PKNOX2: variants seen among roughly 807,000 people sequenced by gnomAD.
PKNOX2 encodes homeobox protein PKNOX2.
In PKNOX2, 14 loss-of-function variants were observed where a neutral mutation model predicts 53.1. That is an observed-to-expected ratio of 0.26 (90% CI 0.17 to 0.41). The LOEUF (loss-of-function observed/expected upper bound fraction) is 0.41, where lower values mean the gene tolerates loss of function less well. Among genes scored for constraint, PKNOX2 ranks in the 10% least tolerant of loss-of-function variants. The pLI, the probability that PKNOX2 is intolerant of heterozygous loss-of-function variation, is 1.00. For missense variants in PKNOX2, 496 were observed against 602.8 expected, an observed-to-expected ratio of 0.82 and a Z score of 1.85; for synonymous variants, 257 against 242.8, an observed-to-expected ratio of 1.06 and a Z score of -0.54.
At chr11:125,186,079 T>C (rs1307522687) in intron 1 of PKNOX2, among the ~76,000 whole-genome samples, 1 of 151,220 alleles carries the variant, frequency 6.6e-6, no homozygotes, top group Non-Finnish European at 1.5e-5. Flanking sequence ...CATTATAGTA[T>C]CTCATTGTGA....
intron 2 of PKNOX2, among the ~76,000 whole-genome samples, chr11:125,283,095 T>G (rs1946673622): frequency 6.6e-6 from 1 of 152,028 alleles, no homozygotes; most frequent in African/African-American, 2.4e-5. Context: ...GAGGTTGCCA[T>G]GAACTGAAAT....
intron 1 of PKNOX2, among the ~76,000 whole-genome samples, chr11:125,196,785 C>G (rs1223235867): frequency 6.6e-6 from 1 of 152,132 alleles, no homozygotes; most frequent in Non-Finnish European, 1.5e-5. Flanking sequence ...GGTAGAGAAC[C>G]ACAGCTGTCC....
At chr11:125,288,626 G>A (rs1200397753) in intron 2 of PKNOX2, among the ~76,000 whole-genome samples, 2 of 152,142 alleles carry the variant, frequency 1.3e-5, no homozygotes, top group Non-Finnish European at 2.9e-5. Flanking sequence ...CCAATTTGAG[G>A]CCTTCCCCTC....
At chr11:125,334,536 T>G (rs1245513073) in intron 3 of PKNOX2, among the ~76,000 whole-genome samples, 1 of 152,032 alleles carries the variant, frequency 6.6e-6, no homozygotes, top group Non-Finnish European at 1.5e-5. Context: ...ATTCTAGCTC[T>G]GCCATTTGCT....
At chr11:125,358,993 G>C (rs1421914694) in intron 4 of PKNOX2, among the ~76,000 whole-genome samples, 1 of 152,218 alleles carries the variant, frequency 6.6e-6, no homozygotes, top group Non-Finnish European at 1.5e-5. Context: ...AGCAGGAAAG[G>C]CTTCTTGGAA....
chr11:125,243,810 G>A (rs1204294263), intron 2 of PKNOX2, among the ~76,000 whole-genome samples: 1 of 152,060 alleles, frequency 6.6e-6, no homozygotes, highest in East Asian at 1.9e-4. Flanking sequence ...TTTTAGTAGA[G>A]ACGGGGTTTC....
rs1161404647 is a variant in PKNOX2 at position 125,240,597 on chromosome 11, T to C, written c.-130+5482T>C. Among the ~76,000 whole-genome samples the C allele has an allele frequency of 6.6e-6, 1 of 152,140 alleles. No individual in the cohort carries two copies. Among genetic ancestry groups the C allele is most frequent in the African/African-American group, 2.4e-5 (1 of 41,438 alleles). ...ACCCAAATCGCCTTTCTTCATCCAC[T>C]GAAATGCAGTTCTAAATCCTTGTCC... On this transcript the variant is annotated intron_variant, in intron 2 of 12. Transcript: ENST00000298282. This position sits in a 1 kb window ranked among gnomAD's most constrained non-coding sequence, Gnocchi z 4.3.
chr11:125,410,946 C>T (rs1038048594), intron 9 of PKNOX2, 70 bp downstream of exon 9: 4 of 1,312,414 alleles, frequency 3.0e-6, no homozygotes, highest in Non-Finnish European at 4.4e-6. Flanking sequence ...TTCTTATCTG[C>T]CAGGCACTTT....
At chr11:125,372,042 A>G (rs1952581787) in intron 5 of PKNOX2, among the ~76,000 whole-genome samples, 1 of 152,208 alleles carries the variant, frequency 6.6e-6, no homozygotes, top group Admixed American at 6.5e-5. Flanking sequence ...CTTTATCCCC[A>G]GCACCTTACA....
intron 2 of PKNOX2, among the ~76,000 whole-genome samples, chr11:125,321,933 G>T (rs1167641922): frequency 6.6e-6 from 1 of 152,194 alleles, no homozygotes; most frequent in Non-Finnish European, 1.5e-5. Flanking sequence ...GTGGGCAAAA[G>T]GAGCTCACTC....
chr11:125,225,369 A>G lies in PKNOX2; in HGVS notation c.-200-9676A>G, dbSNP rs190702209. ...TCTGATGCTCAGAAAACATTTTGTAAATGAATGAAGGGAATTACTGGCATG... is the reference window on the plus strand; with the variant it reads ...TCTGATGCTCAGAAAACATTTTGTAGATGAATGAAGGGAATTACTGGCATG... On this transcript the variant is annotated intron_variant, in intron 1 of 12. Coordinates refer to ENST00000298282, the MANE Select transcript of PKNOX2 (RefSeq NM_001382323.2). Among the ~76,000 whole-genome samples, 93 of 152,292 alleles carry G rather than the reference A, an allele frequency of 6.1e-4. 1 individual carries two copies. The highest frequency in any genetic ancestry group is 6.8e-3 in the Middle Eastern group (2 of 294).
chr11:125,193,717 T>G (rs1049977565), intron 1 of PKNOX2, among the ~76,000 whole-genome samples: 14 of 152,120 alleles, frequency 9.2e-5, no homozygotes, highest in Non-Finnish European at 2.1e-4. Flanking sequence ...ATGGGACTCA[T>G]CATGTGAACC....
intron 6 of PKNOX2, among the ~76,000 whole-genome samples, chr11:125,390,056 C>T (rs968564075): frequency 5.9e-5 from 9 of 152,168 alleles, no homozygotes; most frequent in African/African-American, 1.7e-4. Flanking sequence ...GCCTTCAGTC[C>T]GGGCTCTCTT....
At chr11:125,222,713 GTA>G (rs1217399509) in intron 1 of PKNOX2, among the ~76,000 whole-genome samples, 4 of 149,132 alleles carry the variant, frequency 2.7e-5, no homozygotes, top group South Asian at 2.1e-4. Context: ...TGTGTGCTGT[GTA>G]TGTGTGTGTG....
chr11:125,318,387 CT>C (rs1216899436), intron 2 of PKNOX2, among the ~76,000 whole-genome samples: 1 of 151,614 alleles, frequency 6.6e-6, no homozygotes, highest in Non-Finnish European at 1.5e-5. Flanking sequence ...TCCAAAAGTG[CT>C]GGGATTACAG....
chr11:125,199,370 C>T (rs190472547), intron 1 of PKNOX2, among the ~76,000 whole-genome samples: 1 of 152,320 alleles, frequency 6.6e-6, no homozygotes, highest in East Asian at 1.9e-4. Flanking sequence ...TTCCTCGGTT[C>T]TCACCTTCAC....
intron 2 of PKNOX2, among the ~76,000 whole-genome samples, chr11:125,304,892 G>A (rs1948325230): frequency 2.6e-5 from 4 of 152,234 alleles, no homozygotes; most frequent in Admixed American, 2.6e-4. Flanking sequence ...GACAATAAAT[G>A]TAATACATAA....
chr11:125,198,297 G>T (rs651124), intron 1 of PKNOX2, among the ~76,000 whole-genome samples: 32,375 of 152,178 alleles, frequency 0.21, 3,876 homozygotes, highest in Admixed American at 0.32. Flanking sequence ...TTTGTGTCTA[G>T]ATGGGTTGCT....
intron 2 of PKNOX2, chr11:125,239,596 A>C (rs984347760): frequency 6.6e-6 from 1 of 152,206 alleles, no homozygotes; most frequent in Non-Finnish European, 1.5e-5. Flanking sequence ...TTTCTTCTTC[A>C]CATGCTCTTT....
Sources: allele counts gnomAD v4.1 joint callset (sites outside exome capture counted in the v4.1 genomes callset), GRCh38; gene constraint gnomAD v4.1.1; non-coding constraint Gnocchi (gnomAD v3.1); transcripts MANE v1.5; gene names NCBI Gene and HGNC (gene_info 2026-07-23, HGNC 2026-07-21).